Variants in F8A1 observed in about 807,000 individuals in gnomAD.
F8A1 encodes the protein coagulation factor VIII associated 1, also known as 40-kDa huntingtin-associated protein.
chrX:154,887,830 CT>C lies in F8A1; in HGVS notation c.*343del. 1.9e-6 allele frequency: 1 copy of C among 530,693 alleles called. No homozygotes were observed. 43.7% of individuals were successfully genotyped at this position (530,693 alleles called of 1,213,427 possible). ...ACCTAACGCAGCCTCCTGCCTCCGCCTTTGTTTCATAGTGAGGATTTTATTT... is the reference window on the plus strand; with the variant it reads ...ACCTAACGCAGCCTCCTGCCTCCGCCTTGTTTCATAGTGAGGATTTTATTT... On this transcript the variant is annotated 3_prime_UTR_variant, in exon 1 of 1. Transcript: ENST00000610495.
Position 154,887,414 on chromosome X carries a change from TG to T in F8A1, c.1041del (p.Leu348Ter). ...IKSLQVEMWP[L>X]LTAEQNHLLH... ...TCGCTGCAGGTGGAGATGTGGCCACTGTTGACTGCTGAGCAGAACCACCTCC... is the reference window on the plus strand; with the variant it reads ...TCGCTGCAGGTGGAGATGTGGCCACTTTGACTGCTGAGCAGAACCACCTCC... On this transcript the variant is annotated frameshift_variant, in exon 1 of 1. Coordinates refer to ENST00000610495, the MANE Select transcript of F8A1 (RefSeq NM_012151.4). LOFTEE classifies it high-confidence loss of function. 9.6e-7 allele frequency: 1 copy of T among 1,042,082 alleles called. No homozygotes were observed. The highest frequency in any genetic ancestry group is 1.3e-6 in the Non-Finnish European group (1 of 798,897). 85.9% of individuals were successfully genotyped at this position (1,042,082 alleles called of 1,213,427 possible).
chrX:154,887,194 GTGC>G lies in F8A1; in HGVS notation c.831_833del (p.Leu280del). 3 of 422,302 alleles carry G rather than the reference GTGC, an allele frequency of 7.1e-6. No homozygotes were observed. The highest frequency in any genetic ancestry group is 1.0e-5 in the Non-Finnish European group (3 of 286,960). 34.8% of individuals were successfully genotyped at this position (422,302 alleles called of 1,213,427 possible). On this transcript the variant is annotated inframe_deletion, in exon 1 of 1. Transcript: ENST00000610495. ...GCTGGTCCGCTGCGAGGTGTCCCGC[GTGC>G]TGCTGCTGCTCCTCCTGCAACCACC... is the stretch of plus-strand genomic sequence containing the variant.
Position 154,886,446 on chromosome X carries a change from C to CT in F8A1, c.72_73insT (p.Arg25SerfsTer280). On this transcript the variant is annotated frameshift_variant, in exon 1 of 1. Transcript: ENST00000610495. LOFTEE classifies it high-confidence loss of function. The stretch of plus-strand genomic sequence containing the variant: ...GACCCGAGGCCGGGGACTTCCTGGC[C>CT]CGCTACCGGCTGGTATCGAACAAGC... 1.3e-5 allele frequency: 1 copy of CT among 79,714 alleles called. No homozygotes were observed. The highest frequency in any genetic ancestry group is 1.6e-5 in the Non-Finnish European group (1 of 64,021). 6.6% of individuals were successfully genotyped at this position (79,714 alleles called of 1,213,427 possible). A position where few individuals can be genotyped will look rare whatever the true frequency, so the allele number is the denominator to read the frequency against.
At position 154,887,150 on chromosome X, in the gene F8A1, TG is replaced by T; in HGVS notation, c.779del (p.Gly260AlafsTer89). ...TCGGCGGCGCCCTCTCCCGCCGCCC[TG>T]GGCGCCTTCTCGGACGTGCTGGTCC... ...SGSAAPSPAA[L>X]GAFSDVLVRC... On this transcript the variant is annotated frameshift_variant, in exon 1 of 1. Transcript: ENST00000610495. LOFTEE classifies it high-confidence loss of function. The T allele has an allele frequency of 3.1e-6, 1 of 318,906 alleles. No homozygotes were observed. Among genetic ancestry groups the T allele is most frequent in the Non-Finnish European group, 4.7e-6 (1 of 213,835 alleles). The allele number at this position is 318,906 out of a possible 1,213,427, so 26.3% of individuals were successfully genotyped here.
chrX:154,887,433 CCACCTCCTT>C lies in F8A1; in HGVS notation c.1066_1074del (p.Leu356_Leu358del), dbSNP rs782681263. The C allele has an allele frequency of 9.6e-7, 1 of 1,040,646 alleles. No individual in the cohort carries two copies. The allele number at this position is 1,040,646 out of a possible 1,213,427, so 85.8% of individuals were successfully genotyped here. ...GGCCACTGTTGACTGCTGAGCAGAA[CCACCTCCTT>C]CACCTCGTTCTGCAAGAAACCATCT... On this transcript the variant is annotated inframe_deletion, in exon 1 of 1. Transcript: ENST00000610495.
At position 154,887,205 on chromosome X, in the gene F8A1, G is replaced by GCTT; in HGVS notation, c.833_834insTCT (p.Leu280dup). Reference sequence around the variant, plus strand: ...GCGAGGTGTCCCGCGTGCTGCTGCTGCTCCTCCTGCAACCACCGCCCGCCA... The same window carrying GCTT: ...GCGAGGTGTCCCGCGTGCTGCTGCTGCTTCTCCTCCTGCAACCACCGCCCGCCA... On this transcript the variant is annotated inframe_insertion, in exon 1 of 1. Transcript: ENST00000610495. The GCTT allele has an allele frequency of 6.7e-6, 3 of 451,014 alleles. No homozygotes were observed. The highest frequency in any genetic ancestry group is 9.8e-6 in the Non-Finnish European group (3 of 307,224). The allele number at this position is 451,014 out of a possible 1,213,427, so 37.2% of individuals were successfully genotyped here. A position where few individuals can be genotyped will look rare whatever the true frequency, so the allele number is the denominator to read the frequency against.
chrX:154,887,039 TGCCGCCGCCCCC>T lies in F8A1; in HGVS notation c.673_684del (p.Pro225_Pro228del). 1.1e-4 allele frequency: 11 copies of T among 100,483 alleles called. No homozygotes were observed. Among genetic ancestry groups the T allele is most frequent in the Non-Finnish European group, 7.0e-5 (5 of 71,512 alleles). 8.3% of individuals were successfully genotyped at this position (100,483 alleles called of 1,213,427 possible). ...CACGGCAGCCACCCGGTGCAGTCAC[TGCCGCCGCCCCC>T]GCCGCCGGCACCCCAGCCCGGGCCC... On this transcript the variant is annotated inframe_deletion, in exon 1 of 1. Transcript: ENST00000610495.
At position 154,887,663 on chromosome X, in the gene F8A1, AT is replaced by A; in HGVS notation, c.*174del. ...GCGTTTTGTTATTCCTACTGCCGCC[AT>A]AGGAATTATTTCGTTGGCTGAACGT... On this transcript the variant is annotated 3_prime_UTR_variant, in exon 1 of 1. Coordinates refer to ENST00000610495, the MANE Select transcript of F8A1 (RefSeq NM_012151.4). 1.6e-6 allele frequency: 1 copy of A among 627,181 alleles called. No individual in the cohort carries two copies. Among genetic ancestry groups the A allele is most frequent in the Non-Finnish European group, 2.2e-6 (1 of 454,777 alleles). The allele number at this position is 627,181 out of a possible 1,213,427, so 51.7% of individuals were successfully genotyped here. A position where few individuals can be genotyped will look rare whatever the true frequency, so the allele number is the denominator to read the frequency against.
chrX:154,886,362 T>TG lies in F8A1; in HGVS notation c.-9dup. ...CTGCGGCGGCGCGTCGGGAAGTGCT[T>TG]GGGGCGGCGAGCATGGCGGCAGCGG... On this transcript the variant is annotated 5_prime_UTR_variant, in exon 1 of 1. Transcript: ENST00000610495. 3 of 274,032 alleles carry TG rather than the reference T, an allele frequency of 1.1e-5. No individual in the cohort carries two copies. The South Asian group carries it at 4.7e-4, about 43-fold the overall frequency. 22.6% of individuals were successfully genotyped at this position (274,032 alleles called of 1,213,427 possible).
Position 154,887,061 on chromosome X carries a change from AC to A in F8A1, c.691del (p.Gln231SerfsTer118). On this transcript the variant is annotated frameshift_variant, in exon 1 of 1. Transcript: ENST00000610495. LOFTEE classifies it high-confidence loss of function. The stretch of plus-strand genomic sequence containing the variant: ...CACTGCCGCCGCCCCCGCCGCCGGC[AC>A]CCCAGCCCGGGCCCGGGGCGACGCC... Reference protein sequence around the residue: ...QSLPPPPPPAPQPGPGATPAL... With the variant: ...QSLPPPPPPAXQPGPGATPAL... 2 of 125,712 alleles carry A rather than the reference AC, an allele frequency of 1.6e-5. No individual in the cohort carries two copies. Among genetic ancestry groups the A allele is most frequent in the Non-Finnish European group, 1.1e-5 (1 of 88,705 alleles). The allele number at this position is 125,712 out of a possible 1,213,427, so 10.4% of individuals were successfully genotyped here.
chrX:154,887,093 TA>T lies in F8A1; in HGVS notation c.720del (p.Pro241ArgfsTer108). 1 of 235,779 alleles carries T rather than the reference TA, an allele frequency of 4.2e-6. No homozygotes were observed. Among genetic ancestry groups the T allele is most frequent in the Non-Finnish European group, 6.3e-6 (1 of 159,142 alleles). 19.4% of individuals were successfully genotyped at this position (235,779 alleles called of 1,213,427 possible). ...PQPGPGATPA[L>X]PAALLPPNSG... ...CCCGGGCCCGGGGCGACGCCCGCCC[TA>T]CCGGCCGCGCTGCTTCCTCCGAACT... On this transcript the variant is annotated frameshift_variant, in exon 1 of 1. Coordinates refer to ENST00000610495, the MANE Select transcript of F8A1 (RefSeq NM_012151.4). LOFTEE classifies it high-confidence loss of function.
Position 154,886,398 on chromosome X carries a change from GGGC to G in F8A1, c.35_37del (p.Gly12del). ...GCATGGCGGCAGCGGCTGCAGGCCT[GGGC>G]GGCGGCGGCGCCGGCCCGGGACCCG... is the stretch of plus-strand genomic sequence containing the variant. On this transcript the variant is annotated inframe_deletion, in exon 1 of 1. Coordinates refer to ENST00000610495, the MANE Select transcript of F8A1 (RefSeq NM_012151.4). 2 of 159,162 alleles carry G rather than the reference GGGC, an allele frequency of 1.3e-5. No homozygotes were observed. Among genetic ancestry groups the G allele is most frequent in the Non-Finnish European group, 1.5e-5 (2 of 136,583 alleles). 13.1% of individuals were successfully genotyped at this position (159,162 alleles called of 1,213,427 possible).
chrX:154,886,383 AGCGGCTGCAGGCCTGGGCGGCG>A lies in F8A1; in HGVS notation c.15_36del (p.Ala6ProfsTer21), dbSNP rs2072896177. 5 of 202,144 alleles carry A rather than the reference AGCGGCTGCAGGCCTGGGCGGCG, an allele frequency of 2.5e-5. No homozygotes were observed. Among genetic ancestry groups the A allele is most frequent in the Non-Finnish European group, 2.8e-5 (5 of 176,440 alleles). The allele number at this position is 202,144 out of a possible 1,213,427, so 16.7% of individuals were successfully genotyped here. On this transcript the variant is annotated frameshift_variant, in exon 1 of 1. Coordinates refer to ENST00000610495, the MANE Select transcript of F8A1 (RefSeq NM_012151.4). LOFTEE classifies it high-confidence loss of function. The stretch of plus-strand genomic sequence containing the variant: ...TGCTTGGGGCGGCGAGCATGGCGGC[AGCGGCTGCAGGCCTGGGCGGCG>A]GCGGCGCCGGCCCGGGACCCGAGGC...
Position 154,887,200 on chromosome X carries a change from C to CT in F8A1, c.827dup (p.Leu277AlafsTer28). ...CCGCTGCGAGGTGTCCCGCGTGCTGCTGCTGCTCCTCCTGCAACCACCGCC... is the reference window on the plus strand; with the variant it reads ...CCGCTGCGAGGTGTCCCGCGTGCTGCTTGCTGCTCCTCCTGCAACCACCGCC... On this transcript the variant is annotated frameshift_variant, in exon 1 of 1. Transcript: ENST00000610495. LOFTEE classifies it high-confidence loss of function. The CT allele has an allele frequency of 6.8e-6, 3 of 440,676 alleles. No individual in the cohort carries two copies. The South Asian group carries it at 1.0e-4, about 15-fold the overall frequency. 36.3% of individuals were successfully genotyped at this position (440,676 alleles called of 1,213,427 possible). A position where few individuals can be genotyped will look rare whatever the true frequency, so the allele number is the denominator to read the frequency against.
In F8A1 at chrX:154,887,258, TG is replaced by T; in HGVS notation, c.886del (p.Glu296ArgfsTer53). 1 of 693,592 alleles carries T rather than the reference TG, an allele frequency of 1.4e-6. No homozygotes were observed. The highest frequency in any genetic ancestry group is 2.0e-6 in the Non-Finnish European group (1 of 507,652). 57.2% of individuals were successfully genotyped at this position (693,592 alleles called of 1,213,427 possible). A position where few individuals can be genotyped will look rare whatever the true frequency, so the allele number is the denominator to read the frequency against. On this transcript the variant is annotated frameshift_variant, in exon 1 of 1. Coordinates refer to ENST00000610495, the MANE Select transcript of F8A1 (RefSeq NM_012151.4). LOFTEE classifies it high-confidence loss of function. ...AKLLPEHAQTLEKYSWEAFDS... is the reference protein window; with the variant it reads ...AKLLPEHAQTXEKYSWEAFDS... ...CTGCTGCCGGAGCACGCCCAGACCC[TG>T]GAGAAGTACTCCTGGGAGGCTTTTG...
Position 154,887,043 on chromosome X carries a change from G to GCCGCCC in F8A1, c.675_680dup (p.Pro227_Pro228dup). ...GCAGCCACCCGGTGCAGTCACTGCC[G>GCCGCCC]CCGCCCCCGCCGCCGGCACCCCAGC... On this transcript the variant is annotated inframe_insertion, in exon 1 of 1. Transcript: ENST00000610495. 1 of 102,605 alleles carries GCCGCCC rather than the reference G, an allele frequency of 9.7e-6. No homozygotes were observed. Among genetic ancestry groups the GCCGCCC allele is most frequent in the Non-Finnish European group, 1.4e-5 (1 of 72,954 alleles). The allele number at this position is 102,605 out of a possible 1,213,427, so 8.5% of individuals were successfully genotyped here.
rs1390525893 is a variant in F8A1, at chrX:154,887,697, AC to A, written c.*211del. 5 of 504,362 alleles carry A rather than the reference AC, an allele frequency of 9.9e-6. No individual in the cohort carries two copies. The highest frequency in any genetic ancestry group is 1.6e-5 in the Non-Finnish European group (5 of 318,956). 41.6% of individuals were successfully genotyped at this position (504,362 alleles called of 1,213,427 possible). On this transcript the variant is annotated 3_prime_UTR_variant, in exon 1 of 1. Coordinates refer to ENST00000610495, the MANE Select transcript of F8A1 (RefSeq NM_012151.4). ...ATTTCGTTGGCTGAACGTTACCAGC[AC>A]CCCGAGAACACATTTTGATAGAATC...
chrX:154,887,717 TAGAATC>T lies in F8A1; in HGVS notation c.*231_*236del, dbSNP rs1414152743. ...CCAGCACCCCGAGAACACATTTTGA[TAGAATC>T]AGAGTAGAGGACATGGCTGTCTTCT... On this transcript the variant is annotated 3_prime_UTR_variant, in exon 1 of 1. Coordinates refer to ENST00000610495, the MANE Select transcript of F8A1 (RefSeq NM_012151.4). 3 of 489,755 alleles carry T rather than the reference TAGAATC, an allele frequency of 6.1e-6. No individual in the cohort carries two copies. In the African/African-American group the frequency reaches 8.6e-5, roughly 14 times the overall value. 40.4% of individuals were successfully genotyped at this position (489,755 alleles called of 1,213,427 possible).
chrX:154,886,382 CA>C lies in F8A1; in HGVS notation c.9del (p.Ala4ArgfsTer30). MA[A>X]AAAGLGGGGA... ...GTGCTTGGGGCGGCGAGCATGGCGG[CA>C]GCGGCTGCAGGCCTGGGCGGCGGCG... On this transcript the variant is annotated frameshift_variant, in exon 1 of 1. Coordinates refer to ENST00000610495, the MANE Select transcript of F8A1 (RefSeq NM_012151.4). LOFTEE classifies it high-confidence loss of function. The C allele has an allele frequency of 5.0e-6, 1 of 201,340 alleles. No homozygotes were observed. The highest frequency in any genetic ancestry group is 5.7e-6 in the Non-Finnish European group (1 of 175,715). 16.6% of individuals were successfully genotyped at this position (201,340 alleles called of 1,213,427 possible). A position where few individuals can be genotyped will look rare whatever the true frequency, so the allele number is the denominator to read the frequency against.
Sources: gnomAD v4.1 joint callset for allele counts on GRCh38, gnomAD v4.1.1 for gene constraint, MANE v1.5 for transcripts, NCBI Gene and HGNC (gene_info 2026-07-23, HGNC 2026-07-21) for gene names.